INPP4A: variants seen among roughly 807,000 people sequenced by gnomAD.
INPP4A encodes the protein inositol polyphosphate-4-phosphatase type I A.
Under a neutral mutation model 119.8 loss-of-function variants are expected in INPP4A, and 33 were observed. The observed-to-expected ratio is 0.28, with a 90% confidence interval of 0.21 to 0.37. INPP4A has a LOEUF of 0.37. Ranked by LOEUF, INPP4A falls within the 10% of genes least tolerant of loss-of-function variation. The pLI, the probability that INPP4A is intolerant of heterozygous loss-of-function variation, is 1.00. For synonymous variants in INPP4A, 496 were observed against 500.7 expected, an observed-to-expected ratio of 0.99 and a Z score of 0.12; for missense variants, 956 against 1,289.9, an observed-to-expected ratio of 0.74 and a Z score of 3.97.
At chr2:98,476,586 G>C (rs1677268421) in intron 1 of INPP4A, among the ~76,000 whole-genome samples, 1 of 152,150 alleles carries the variant, frequency 6.6e-6, no homozygotes, top group African/African-American at 2.4e-5. Flanking sequence ...AGCCCTGCTT[G>C]GGGGAGGGGT....
intron 24 of INPP4A, 77 bp from the exon 25 acceptor site, chr2:98,587,394 ATCAGT>A: frequency 7.7e-7 from 1 of 1,295,052 alleles, no homozygotes; most frequent in East Asian, 2.7e-5. Flanking sequence ...TATGAAAATG[ATCAGT>A]TCATTTCATC....
At chr2:98,458,529 A>T (rs1309431723) in intron 1 of INPP4A, among the ~76,000 whole-genome samples, 1 of 152,114 alleles carries the variant, frequency 6.6e-6, no homozygotes, top group Non-Finnish European at 1.5e-5. Context: ...CCATAAAAAC[A>T]TTCAGATTTT....
intron 5 of INPP4A, among the ~76,000 whole-genome samples, chr2:98,534,221 T>C (rs1375968783): frequency 6.6e-6 from 1 of 152,250 alleles, no homozygotes; most frequent in Non-Finnish European, 1.5e-5. Flanking sequence ...GAGTGCTACC[T>C]ACACATCTAG....
chr2:98,581,570 T>C (rs1699316502), intron 24 of INPP4A: 1 of 1,509,284 alleles, frequency 6.6e-7, no homozygotes, highest in African/African-American at 1.4e-5. Flanking sequence ...TTTTTCCTTT[T>C]CACAGCATTG....
intron 1 of INPP4A, among the ~76,000 whole-genome samples, chr2:98,461,679 G>T (rs545009782): frequency 1.2e-3 from 176 of 152,288 alleles, no homozygotes; most frequent in African/African-American, 3.7e-3. Context: ...TGCTTGTTGG[G>T]TTTTTTTCTG....
Position 98,555,750 on chromosome 2 carries a change from C to G in INPP4A, c.1764C>G (p.Pro588=). The G allele has an allele frequency of 6.3e-6, 10 of 1,594,388 alleles. No homozygotes were observed. The highest frequency in any genetic ancestry group is 8.5e-6 in the Non-Finnish European group (10 of 1,169,978). ...CAGAAGACCCCTTCTGTGATGTCCCCTCCTCACCATGCCCCTCCACCATGC... is the reference window on the plus strand; with the variant it reads ...CAGAAGACCCCTTCTGTGATGTCCCGTCCTCACCATGCCCCTCCACCATGC... ...IRPEDPFCDV[P]SSPCPSTMPS... The change falls in exon 16 of 25, where the codon CCC becomes CCG. Residue 588 remains proline, a synonymous_variant. Transcript: ENST00000409851.
intron 10 of INPP4A, among the ~76,000 whole-genome samples, chr2:98,541,183 C>T (rs914488937): frequency 2.0e-5 from 3 of 152,044 alleles, no homozygotes; most frequent in Non-Finnish European, 4.4e-5. Context: ...AAAAATTAGC[C>T]GGGCGCGGTG....
chr2:98,452,378 C>G (rs908172026), intron 1 of INPP4A, among the ~76,000 whole-genome samples: 27 of 152,198 alleles, frequency 1.8e-4, no homozygotes, highest in African/African-American at 6.3e-4. Flanking sequence ...ATCAGAAACT[C>G]TGGGATGGGG....
chr2:98,552,540 A>G, intron 13 of INPP4A: 1 of 629,648 alleles, frequency 1.6e-6, no homozygotes, highest in Non-Finnish European at 3.0e-6. Flanking sequence ...CACAAGTAAA[A>G]ATACAGATAC....
chr2:98,551,111 A>G (rs1291395576), intron 13 of INPP4A, among the ~76,000 whole-genome samples: 1 of 152,036 alleles, frequency 6.6e-6, no homozygotes, highest in Non-Finnish European at 1.5e-5. Flanking sequence ...ACAAGCCACC[A>G]TGCCTAGCTA....
In INPP4A at chr2:98,587,737, C is replaced by T; in HGVS notation, c.*129C>T. On this transcript the variant is annotated 3_prime_UTR_variant, in exon 25 of 25. Transcript: ENST00000409851. The stretch of plus-strand genomic sequence containing the variant: ...TGTGGTTTTTTTAAAAAAAACATTT[C>T]ACTAAAGAGTCTCTGGAGCATGTTT... 1.3e-6 allele frequency: 1 copy of T among 767,662 alleles called. No individual in the cohort carries two copies. Among genetic ancestry groups the T allele is most frequent in the South Asian group, 2.1e-5 (1 of 48,136 alleles). 47.6% of individuals were successfully genotyped at this position (767,662 alleles called of 1,614,324 possible).
upstream of INPP4A, chr2:98,444,839 G>A (rs1693868999): frequency 6.6e-6 from 1 of 152,268 alleles, no homozygotes; most frequent in Non-Finnish European, 1.5e-5. Context: ...GGCGGGGCCA[G>A]GGCGGGGCTG....
At chr2:98,510,421 C>T (rs1370240458) in intron 1 of INPP4A, among the ~76,000 whole-genome samples, 1 of 152,192 alleles carries the variant, frequency 6.6e-6, no homozygotes, top group African/African-American at 2.4e-5. Context: ...TGTCCCTATC[C>T]AAGGTATCTC....
At chr2:98,523,278 G>C (rs17032916) in intron 4 of INPP4A, among the ~76,000 whole-genome samples, 2,358 of 152,256 alleles carry the variant, frequency 0.015, 69 homozygotes, top group African/African-American at 0.054. Context: ...ACGAAAAACA[G>C]TAATATAGTC....
chr2:98,564,308 C>T (rs1696034038), intron 18 of INPP4A, among the ~76,000 whole-genome samples: 1 of 152,136 alleles, frequency 6.6e-6, no homozygotes, highest in Non-Finnish European at 1.5e-5. Flanking sequence ...TGGCATGGCT[C>T]TATGAGTAGA....
At chr2:98,577,516 G>A (rs1698628815) in intron 24 of INPP4A, among the ~76,000 whole-genome samples, 1 of 152,206 alleles carries the variant, frequency 6.6e-6, no homozygotes, top group Non-Finnish European at 1.5e-5. Flanking sequence ...TTCTCAGCAG[G>A]CATCTGCTGT....
intron 4 of INPP4A, among the ~76,000 whole-genome samples, chr2:98,528,034 C>G (rs1688494428): frequency 6.6e-6 from 1 of 152,130 alleles, no homozygotes; most frequent in African/African-American, 2.4e-5. Flanking sequence ...AAAACCCATA[C>G]AGTCAGTAGA....
intron 1 of INPP4A, among the ~76,000 whole-genome samples, chr2:98,515,946 G>A (rs1435635350): frequency 6.6e-6 from 1 of 152,156 alleles, no homozygotes; most frequent in Non-Finnish European, 1.5e-5. Flanking sequence ...TTGTCGGAGG[G>A]GTCACATGAG....
At chr2:98,489,364 G>C (rs3769726) in intron 1 of INPP4A, among the ~76,000 whole-genome samples, 36,881 of 151,906 alleles carry the variant, frequency 0.24, 4,624 homozygotes, top group Middle Eastern at 0.35. Flanking sequence ...TCATCTCCTG[G>C]ATGGCCTTAG....
Sources: allele counts gnomAD v4.1 joint callset (sites outside exome capture counted in the v4.1 genomes callset), GRCh38; gene constraint gnomAD v4.1.1; transcripts MANE v1.5; gene names NCBI Gene and HGNC (gene_info 2026-07-23, HGNC 2026-07-21).